ST3GAL1: variants seen among roughly 807,000 people sequenced by gnomAD.
ST3GAL1 encodes the protein CMP-N-acetylneuraminate-beta-galactosamide-alpha-2,3-sialyltransferase 1.
Under a neutral mutation model 34.1 loss-of-function variants are expected in ST3GAL1, and 16 were observed. The ratio of observed to expected loss-of-function variants is 0.47; its 90% CI spans 0.32 to 0.71. The LOEUF is 0.71. Ranked by LOEUF, ST3GAL1 falls within the 30% of genes least tolerant of loss-of-function variation. ST3GAL1 has a pLI of 0.04. For synonymous variants in ST3GAL1, 191 were observed against 184.7 expected (o/e 1.03, Z -0.28); for missense variants, 353 against 447.4 (o/e 0.79, Z 1.90).
chr8:133,555,071 G>A (rs1169724542), intron 1 of ST3GAL1, among the ~76,000 whole-genome samples: 2 of 152,122 alleles, frequency 1.3e-5, no homozygotes, highest in Non-Finnish European at 1.5e-5. Context: ...GGAGACAAGG[G>A]AATGGGAAGG....
At position 133,458,671 on chromosome 8, in the gene ST3GAL1, G is replaced by C. The variant is rs180822923; in HGVS notation, c.*1093C>G. ...TCCCAGCTACGGAGCAAGCAGGGCC[G>C]CTGGTGGGGGTCCCTTTTCCCAAGT... On this transcript the variant is annotated 3_prime_UTR_variant, in exon 10 of 10. Coordinates refer to ENST00000522652, the MANE Select transcript of ST3GAL1 (RefSeq NM_173344.3). 1 of 152,228 alleles carries C rather than the reference G, an allele frequency of 6.6e-6. No individual in the cohort carries two copies. Among genetic ancestry groups the C allele is most frequent in the Admixed American group, 6.5e-5 (1 of 15,278 alleles). 9.4% of individuals were successfully genotyped at this position (152,228 alleles called of 1,614,324 possible).
chr8:133,471,556 C>T (rs1815962892), intron 5 of ST3GAL1, among the ~76,000 whole-genome samples: 1 of 152,206 alleles, frequency 6.6e-6, no homozygotes, highest in Admixed American at 6.5e-5. Flanking sequence ...GAAACTGAGG[C>T]TTACAGAGGT....
At chr8:133,468,568 C>T (rs1462798951) in intron 5 of ST3GAL1, among the ~76,000 whole-genome samples, 2 of 152,198 alleles carry the variant, frequency 1.3e-5, no homozygotes, top group African/African-American at 2.4e-5. Flanking sequence ...GATTGTTACA[C>T]ACACTGTGAA....
At chr8:133,543,306 C>T (rs1173185674) in intron 2 of ST3GAL1, among the ~76,000 whole-genome samples, 4 of 152,212 alleles carry the variant, frequency 2.6e-5, no homozygotes, top group Non-Finnish European at 5.9e-5. Context: ...CCAAGAAAGA[C>T]ACATGCCAAC....
chr8:133,560,352 G>T (rs1267734412), intron 1 of ST3GAL1, among the ~76,000 whole-genome samples: 1 of 152,010 alleles, frequency 6.6e-6, no homozygotes, highest in African/African-American at 2.4e-5. Context: ...ATTATCTATT[G>T]CTGTGTAATA....
chr8:133,538,165 T>A (rs897146290), intron 2 of ST3GAL1, among the ~76,000 whole-genome samples: 4 of 152,172 alleles, frequency 2.6e-5, no homozygotes, highest in African/African-American at 9.7e-5. Flanking sequence ...GAAACCATGT[T>A]TTTGTTTTTT....
chr8:133,513,641 A>G (rs2131015495), intron 2 of ST3GAL1, among the ~76,000 whole-genome samples: 1 of 152,284 alleles, frequency 6.6e-6, no homozygotes, highest in South Asian at 2.1e-4. Flanking sequence ...CACACCTGTA[A>G]TCCCAATACT....
At chr8:133,526,768 T>C (rs752761477) in intron 2 of ST3GAL1, among the ~76,000 whole-genome samples, 21 of 152,060 alleles carry the variant, frequency 1.4e-4, no homozygotes, top group Non-Finnish European at 3.1e-4. Context: ...AGAGAGGTCA[T>C]TGGATGCAGT....
chr8:133,514,917 G>A (rs773315436), intron 2 of ST3GAL1, among the ~76,000 whole-genome samples: 11 of 152,208 alleles, frequency 7.2e-5, no homozygotes, highest in South Asian at 6.2e-4. Flanking sequence ...GCCATGTGCC[G>A]TCCTCCGATG....
intron 3 of ST3GAL1, among the ~76,000 whole-genome samples, chr8:133,495,905 T>G (rs1816932255): frequency 6.6e-6 from 1 of 152,230 alleles, no homozygotes; most frequent in Non-Finnish European, 1.5e-5. Flanking sequence ...GTGGTCAGGT[T>G]GCGCCTGAAC....
intron 3 of ST3GAL1, among the ~76,000 whole-genome samples, chr8:133,495,207 C>T (rs1201131404): frequency 3.9e-5 from 6 of 152,244 alleles, no homozygotes; most frequent in Middle Eastern, 6.8e-3. Flanking sequence ...CATGAGCCAC[C>T]GTGCCCAGCC....
chr8:133,482,670 T>C (rs1239394451), intron 3 of ST3GAL1, among the ~76,000 whole-genome samples: 1 of 152,178 alleles, frequency 6.6e-6, no homozygotes, highest in Non-Finnish European at 1.5e-5. Flanking sequence ...AAACAGATCC[T>C]CCCATGTCCT....
At chr8:133,482,015 G>A (rs533807086) in intron 3 of ST3GAL1, among the ~76,000 whole-genome samples, 1 of 152,100 alleles carries the variant, frequency 6.6e-6, no homozygotes, top group East Asian at 1.9e-4. Flanking sequence ...ACCTATCTCT[G>A]TTTTGTTTCC....
chr8:133,475,287 C>T (rs965049852), intron 5 of ST3GAL1, among the ~76,000 whole-genome samples: 31 of 152,222 alleles, frequency 2.0e-4, no homozygotes, highest in Non-Finnish European at 4.4e-4. Flanking sequence ...GGGGCGGCTT[C>T]CCCCTCAGAG....
intron 8 of ST3GAL1, 147 bp from the exon 9 acceptor site, chr8:133,462,141 A>G (rs1815537236): frequency 8.3e-7 from 1 of 1,201,830 alleles, no homozygotes; most frequent in Non-Finnish European, 1.2e-6. Flanking sequence ...CCATGCTCGT[A>G]GGAAAGATGG....
intron 1 of ST3GAL1, among the ~76,000 whole-genome samples, chr8:133,549,452 T>TG (rs1396383539): frequency 6.6e-6 from 1 of 151,722 alleles, no homozygotes; most frequent in African/African-American, 2.4e-5. Flanking sequence ...AGATTAAACA[T>TG]GGAGCCCTGC....
Position 133,466,705 on chromosome 8 carries a change from G to A in ST3GAL1, c.307-615C>T, listed in dbSNP as rs945412947. Among the ~76,000 whole-genome samples the A allele has an allele frequency of 2.0e-5, 3 of 152,150 alleles. No homozygotes were observed. The highest frequency in any genetic ancestry group is 4.4e-5 in the Non-Finnish European group (3 of 68,034). ...TTCCTGCCTGACCCTCAGTTCCCCCGGCCCCAGCACTGCTGGGCTCCAGCC... is the reference window on the plus strand; with the variant it reads ...TTCCTGCCTGACCCTCAGTTCCCCCAGCCCCAGCACTGCTGGGCTCCAGCC... On this transcript the variant is annotated intron_variant, in intron 5 of 9. Transcript: ENST00000522652. The surrounding 1 kb of genome is among the most constrained non-coding windows in gnomAD (Gnocchi z 4.4).
chr8:133,477,849 A>C (rs1816237594), intron 3 of ST3GAL1, among the ~76,000 whole-genome samples: 1 of 150,568 alleles, frequency 6.6e-6, no homozygotes, highest in Non-Finnish European at 1.5e-5. Flanking sequence ...ATTGTCAATA[A>C]GCAGGGTATA....
chr8:133,520,378 C>A (rs569996063), intron 2 of ST3GAL1, among the ~76,000 whole-genome samples: 3 of 152,288 alleles, frequency 2.0e-5, no homozygotes, highest in Middle Eastern at 3.4e-3. Flanking sequence ...GAAGTTTCTG[C>A]GTCTTGACAC....
Sources: allele counts gnomAD v4.1 joint callset (sites outside exome capture counted in the v4.1 genomes callset), GRCh38; gene constraint gnomAD v4.1.1; non-coding constraint Gnocchi (gnomAD v3.1); transcripts MANE v1.5; gene names NCBI Gene and HGNC (gene_info 2026-07-23, HGNC 2026-07-21).